KIAA1958: variants seen among roughly 807,000 people sequenced by gnomAD.
KIAA1958 encodes the protein KIAA1958.
In KIAA1958, 14 loss-of-function variants were observed where a neutral mutation model predicts 47.2. That is an observed-to-expected ratio of 0.30 (90% CI 0.20 to 0.46). The LOEUF is 0.46. Among genes scored for constraint, KIAA1958 ranks in the 20% least tolerant of loss-of-function variants. KIAA1958 has a pLI of 1.00. For missense variants in KIAA1958, 803 were observed against 909.2 expected (o/e 0.88, Z 1.50); for synonymous variants, 354 against 353.3 (o/e 1.00, Z -0.02).
At chr9:112,578,359 A>G (rs1835684884) in intron 2 of KIAA1958, among the ~76,000 whole-genome samples, 1 of 152,196 alleles carries the variant, frequency 6.6e-6, no homozygotes, top group Non-Finnish European at 1.5e-5. Context: ...TACACAGTTA[A>G]TATGTAAAGC....
At chr9:112,532,169 G>T (rs1450833722) in intron 1 of KIAA1958, among the ~76,000 whole-genome samples, 1 of 152,220 alleles carries the variant, frequency 6.6e-6, no homozygotes, top group African/African-American at 2.4e-5. Context: ...TTGCAGAGTA[G>T]CTTTTGTAGG....
In KIAA1958 at chr9:112,618,019, G is replaced by T. The variant is rs1163293031; in HGVS notation, c.1172-27631G>T. 12 of 1,550,616 alleles carry T rather than the reference G, an allele frequency of 7.7e-6. No homozygotes were observed. In the East Asian group the frequency reaches 2.9e-4, roughly 38 times the overall value. On this transcript the variant is annotated intron_variant, in intron 2 of 3. Coordinates refer to ENST00000337530, the MANE Select transcript of KIAA1958 (RefSeq NM_133465.4). This position sits in a 1 kb window ranked among gnomAD's most constrained non-coding sequence, Gnocchi z 7.1. ...AGATTTATGTCATCCCTTGCAAGGA[G>T]TTGGATGCCTACCTTGCCTCTTTCT...
intron 2 of KIAA1958, among the ~76,000 whole-genome samples, chr9:112,643,011 G>A (rs79243935): frequency 0.02 from 3,016 of 152,232 alleles, 46 homozygotes; most frequent in Middle Eastern, 0.037. Flanking sequence ...AAATTATTTA[G>A]CGGTTTAATG....
At chr9:112,592,168 C>T (rs559953679) in intron 2 of KIAA1958, among the ~76,000 whole-genome samples, 4 of 151,984 alleles carry the variant, frequency 2.6e-5, no homozygotes, top group East Asian at 1.9e-4. Flanking sequence ...AGTAGGTAAT[C>T]GAAAAAGGTT....
At chr9:112,596,361 A>G (rs1370688546) in intron 2 of KIAA1958, among the ~76,000 whole-genome samples, 2 of 152,264 alleles carry the variant, frequency 1.3e-5, no homozygotes, top group East Asian at 3.9e-4. Context: ...TCTCTAGGAT[A>G]TATTATTAAG....
At chr9:112,580,768 C>T (rs571720330) in intron 2 of KIAA1958, among the ~76,000 whole-genome samples, 32 of 144,046 alleles carry the variant, frequency 2.2e-4, no homozygotes, top group African/African-American at 7.3e-4. Context: ...GCCTGGGCTC[C>T]AGAGCGAGAC....
At chr9:112,651,335 A>G (rs572765067) in intron 3 of KIAA1958, among the ~76,000 whole-genome samples, 1 of 151,224 alleles carries the variant, frequency 6.6e-6, no homozygotes, top group African/African-American at 2.4e-5. Flanking sequence ...TCTGTCCACA[A>G]TAGAATTAAA....
chr9:112,618,299 C>T lies in KIAA1958; in HGVS notation c.1172-27351C>T, dbSNP rs1389558961. On this transcript the variant is annotated intron_variant, in intron 2 of 3. Coordinates refer to ENST00000337530, the MANE Select transcript of KIAA1958 (RefSeq NM_133465.4). This position sits in a 1 kb window ranked among gnomAD's most constrained non-coding sequence, Gnocchi z 7.1. ...GCTCATCCTGCGGAAAAGGGGACTG[C>T]TAAGCCGATATAACCCCGAGGGTTT... 1.9e-6 allele frequency: 3 copies of T among 1,551,080 alleles called. No homozygotes were observed. The East Asian group carries it at 7.3e-5, about 38-fold the overall frequency.
At chr9:112,550,092 T>G (rs1835115735) in intron 1 of KIAA1958, among the ~76,000 whole-genome samples, 1 of 150,846 alleles carries the variant, frequency 6.6e-6, no homozygotes, top group Non-Finnish European at 1.5e-5. Context: ...GAATTAGGCT[T>G]GAGAGGTAAG....
intron 2 of KIAA1958, among the ~76,000 whole-genome samples, chr9:112,586,477 T>G (rs1835824348): frequency 6.6e-6 from 1 of 152,232 alleles, no homozygotes; most frequent in Admixed American, 6.5e-5. Context: ...CATAATTTTC[T>G]GAGAAATTAT....
intron 3 of KIAA1958, among the ~76,000 whole-genome samples, chr9:112,651,953 A>G (rs1367381816): frequency 6.6e-6 from 1 of 152,184 alleles, no homozygotes; most frequent in Non-Finnish European, 1.5e-5. Flanking sequence ...AAAAAGAAAT[A>G]AAAAATATGC....
intron 2 of KIAA1958, among the ~76,000 whole-genome samples, chr9:112,588,083 G>C (rs1206603736): frequency 6.6e-6 from 1 of 152,146 alleles, no homozygotes; most frequent in Non-Finnish European, 1.5e-5. Context: ...TCATTCCACT[G>C]TTCTCTCCTC....
intron 2 of KIAA1958, among the ~76,000 whole-genome samples, chr9:112,624,957 G>A (rs1290967273): frequency 6.6e-6 from 1 of 152,120 alleles, no homozygotes; most frequent in Non-Finnish European, 1.5e-5. Context: ...AGTGGGGAGC[G>A]CAAGAAGATA....
chr9:112,515,364 A>AG (rs1193125445), intron 1 of KIAA1958, among the ~76,000 whole-genome samples: 5 of 141,376 alleles, frequency 3.5e-5, no homozygotes, highest in South Asian at 4.7e-4. Flanking sequence ...CTGCCCGGCC[A>AG]CCGCCCCGTC....
At chr9:112,625,057 A>G (rs1836584075) in intron 2 of KIAA1958, among the ~76,000 whole-genome samples, 1 of 152,082 alleles carries the variant, frequency 6.6e-6, no homozygotes, top group Non-Finnish European at 1.5e-5. Context: ...CACTAGACTG[A>G]CTGAGCTGCT....
At chr9:112,541,141 A>G (rs1316472241) in intron 1 of KIAA1958, among the ~76,000 whole-genome samples, 3 of 152,044 alleles carry the variant, frequency 2.0e-5, no homozygotes, top group African/African-American at 7.2e-5. Context: ...CCTTTCCAAT[A>G]TTTTTGGCTT....
At position 112,591,335 on chromosome 9, in the gene KIAA1958, C is replaced by T. The variant is rs182472390; in HGVS notation, c.1171+16084C>T. Reference sequence around the variant, plus strand: ...TCCTGACCTCATGATCCGCCCGTCTCGGCCTCCCACAGTGCTGGGATTACA... The same window carrying T: ...TCCTGACCTCATGATCCGCCCGTCTTGGCCTCCCACAGTGCTGGGATTACA... On this transcript the variant is annotated intron_variant, in intron 2 of 3. Transcript: ENST00000337530. Among the ~76,000 whole-genome samples the T allele has an allele frequency of 1.2e-4, 19 of 152,130 alleles. No homozygotes were observed. In the East Asian group the frequency reaches 3.1e-3, roughly 25 times the overall value.
At chr9:112,514,816 C>A (rs1156492391) in intron 1 of KIAA1958, among the ~76,000 whole-genome samples, 1 of 57,188 alleles carries the variant, frequency 1.7e-5, no homozygotes, top group Non-Finnish European at 4.0e-5. Context: ...GGGGGTCAGC[C>A]CCCCGCCCGG....
At chr9:112,580,193 C>T (rs1313129382) in intron 2 of KIAA1958, among the ~76,000 whole-genome samples, 1 of 152,096 alleles carries the variant, frequency 6.6e-6, no homozygotes, top group African/African-American at 2.4e-5. Flanking sequence ...AGTATTCTTC[C>T]AAGAACATTC....
Sources: allele counts gnomAD v4.1 joint callset (sites outside exome capture counted in the v4.1 genomes callset), GRCh38; gene constraint gnomAD v4.1.1; non-coding constraint Gnocchi (gnomAD v3.1); transcripts MANE v1.5; gene names NCBI Gene and HGNC (gene_info 2026-07-23, HGNC 2026-07-21).